WDR3: variants seen among roughly 807,000 people sequenced by gnomAD.
The protein encoded by WDR3 is WD repeat domain 3.
Under a neutral mutation model 123.7 loss-of-function variants are expected in WDR3, and 81 were observed. The observed-to-expected ratio is 0.65, with a 90% CI of 0.55 to 0.79. WDR3 has a LOEUF of 0.79. Ranked by LOEUF, WDR3 falls within the 30% of genes least tolerant of loss-of-function variation. The pLI, the probability that WDR3 is intolerant of heterozygous loss-of-function variation, is 0.00. For synonymous variants in WDR3, 390 were observed against 388.8 expected, an observed-to-expected ratio of 1.00 and a Z score of -0.04; for missense variants, 1,027 against 1,123.2, an observed-to-expected ratio of 0.91 and a Z score of 1.22.
intron 25 of WDR3, 77 bp from the exon 26 acceptor site, chr1:117,958,833 T>C: frequency 1.0e-6 from 1 of 981,806 alleles, no homozygotes; most frequent in South Asian, 1.7e-5. Context: ...TGATATTGTG[T>C]CTGTTTACTG....
chr1:117,954,502 C>G (rs1343943817), intron 22 of WDR3, 78 bp from the exon 23 acceptor site: 1 of 1,360,970 alleles, frequency 7.3e-7, no homozygotes, highest in African/African-American at 1.5e-5. Context: ...TTATAAAATA[C>G]AGTTACCACT....
At position 117,961,175 on chromosome 1, in the gene WDR3, C is replaced by T. The variant is rs1653040825; in HGVS notation, c.*1728C>T. ...GCAGGCGCTTGTAATCCCAGCTACT[C>T]AGGAGGCTGAGACAGGAGAATCACT... On this transcript the variant is annotated 3_prime_UTR_variant, in exon 27 of 27. Transcript: ENST00000349139. 6.6e-6 allele frequency: 1 copy of T among 152,158 alleles called. No individual in the cohort carries two copies. 9.4% of individuals were successfully genotyped at this position (152,158 alleles called of 1,614,324 possible).
In WDR3 at chr1:117,964,098, G is replaced by A; in HGVS notation, c.*4651G>A. 1 of 687,860 alleles carries A rather than the reference G, an allele frequency of 1.5e-6. No individual in the cohort carries two copies. Among genetic ancestry groups the A allele is most frequent in the Middle Eastern group, 4.2e-4 (1 of 2,376 alleles). 42.6% of individuals were successfully genotyped at this position (687,860 alleles called of 1,614,324 possible). A position where few individuals can be genotyped will look rare whatever the true frequency, so the allele number is the denominator to read the frequency against. ...AAATTCTGCATGCTCAGGCTTGGGG[G>A]TTAGAGGATGGATATGCCAATGTCT... On this transcript the variant is annotated 3_prime_UTR_variant, in exon 27 of 27. Coordinates refer to ENST00000349139, the MANE Select transcript of WDR3 (RefSeq NM_006784.3).
At chr1:117,934,717 T>C (rs776075893) in intron 3 of WDR3, 35 bp downstream of exon 3, 1 of 1,607,716 alleles carries the variant, frequency 6.2e-7, no homozygotes, top group Non-Finnish European at 8.5e-7. Flanking sequence ...TTTGATCTAT[T>C]AAAGGAATGT....
chr1:117,956,233 T>C (rs1333816715), intron 24 of WDR3, among the ~76,000 whole-genome samples: 5 of 152,182 alleles, frequency 3.3e-5, no homozygotes, highest in African/African-American at 7.2e-5. Context: ...TCCCAACATT[T>C]TGGGACACTT....
At chr1:117,944,911 T>C (rs1651314327) in intron 11 of WDR3, among the ~76,000 whole-genome samples, 1 of 152,054 alleles carries the variant, frequency 6.6e-6, no homozygotes, top group African/African-American at 2.4e-5. Flanking sequence ...CATGTTGGCC[T>C]CAAACTCCTG....
chr1:117,958,481 T>C (rs907487108), intron 25 of WDR3, among the ~76,000 whole-genome samples: 3 of 152,216 alleles, frequency 2.0e-5, no homozygotes, highest in African/African-American at 7.2e-5. Flanking sequence ...TCATCAAGGA[T>C]ATCTTGGTAC....
intron 2 of WDR3, 200 bp downstream of exon 2, chr1:117,933,690 A>G: frequency 1.5e-6 from 1 of 665,130 alleles, no homozygotes; most frequent in South Asian, 1.6e-5. Flanking sequence ...TGAAAACCAC[A>G]ATGAAATAGG....
intron 2 of WDR3, 62 bp downstream of exon 2, chr1:117,933,552 G>C: frequency 1.3e-6 from 2 of 1,595,350 alleles, no homozygotes; most frequent in Non-Finnish European, 1.7e-6. Context: ...AGAGGTAGTA[G>C]AAGTGGGGGG....
intron 23 of WDR3, 110 bp downstream of exon 23, chr1:117,954,737 G>A: frequency 9.1e-7 from 1 of 1,101,156 alleles, no homozygotes; most frequent in South Asian, 1.5e-5. Flanking sequence ...GGAATACTTT[G>A]TCTTCAAAAG....
rs563424765 is a variant in WDR3, at chr1:117,941,205, G to A, written c.871G>A (p.Gly291Ser). The A allele has an allele frequency of 2.5e-6, 4 of 1,614,082 alleles. No homozygotes were observed. Among genetic ancestry groups the A allele is most frequent in the South Asian group, 2.2e-5 (2 of 91,074 alleles). ...RVVNLAVDKT[G>S]RILACHGTDS... is the part of the protein sequence containing the mutation. ...TGTAAACCTTGCAGTCGACAAGACAGGCAGGATTCTTGCTTGCCATGTGAG... is the reference window on the plus strand; with the variant it reads ...TGTAAACCTTGCAGTCGACAAGACAAGCAGGATTCTTGCTTGCCATGTGAG... Residue 291 changes from glycine (G) to serine (S), a missense_variant, in exon 8 of 27, where the codon GGC becomes AGC. Transcript: ENST00000349139.
intron 20 of WDR3, 104 bp downstream of exon 20, chr1:117,953,100 G>C (rs1450284295): frequency 7.8e-7 from 1 of 1,281,940 alleles, no homozygotes; most frequent in East Asian, 2.4e-5. Context: ...ATTGAGGCTA[G>C]AAGTTGCAGG....
chr1:117,943,712 C>G (rs556215151), intron 11 of WDR3, 86 bp downstream of exon 11: 1 of 1,129,756 alleles, frequency 8.9e-7, no homozygotes, highest in East Asian at 2.5e-5. Flanking sequence ...GTTATTAACT[C>G]CTTAAGGCCC....
chr1:117,959,567 G>T lies in WDR3; in HGVS notation c.*120G>T, dbSNP rs1307578129. On this transcript the variant is annotated 3_prime_UTR_variant, in exon 27 of 27. Coordinates refer to ENST00000349139, the MANE Select transcript of WDR3 (RefSeq NM_006784.3). ...AATAACAGAAGATCGCATTGCAGAT[G>T]ATATCAGGATGTGGTTTCCAGCTTT... 4 of 1,102,810 alleles carry T rather than the reference G, an allele frequency of 3.6e-6. No homozygotes were observed. The highest frequency in any genetic ancestry group is 4.9e-6 in the Non-Finnish European group (4 of 813,424). The allele number at this position is 1,102,810 out of a possible 1,614,324, so 68.3% of individuals were successfully genotyped here.
chr1:117,957,882 T>C (rs568066711), intron 25 of WDR3, among the ~76,000 whole-genome samples: 1 of 152,334 alleles, frequency 6.6e-6, no homozygotes, highest in East Asian at 1.9e-4. Flanking sequence ...TTTCTCTTGG[T>C]CTCTACAGGT....
intron 8 of WDR3, 135 bp from the exon 9 acceptor site, chr1:117,941,615 C>T (rs1651175349): frequency 8.9e-7 from 1 of 1,121,020 alleles, no homozygotes; most frequent in Non-Finnish European, 1.2e-6. Flanking sequence ...ATAGCAAACC[C>T]AGAGAGATTA....
chr1:117,933,254 CA>C (rs1650798262), intron 1 of WDR3, 33 bp from the exon 2 acceptor site: 2 of 1,575,354 alleles, frequency 1.3e-6, no homozygotes, highest in Middle Eastern at 1.7e-4. Context: ...CCAAGGCACC[CA>C]AGGAGCTGAG....
Position 117,933,296 on chromosome 1 carries a change from A to G in WDR3, c.-24A>G, listed in dbSNP as rs202168358. On this transcript the variant is annotated 5_prime_UTR_variant, in exon 2 of 27. Coordinates refer to ENST00000349139, the MANE Select transcript of WDR3 (RefSeq NM_006784.3). ...TTTGTTTATATGCACAGATTGCTTCACCTGTGGTATCAGACATCACAACAT... is the reference window on the plus strand; with the variant it reads ...TTTGTTTATATGCACAGATTGCTTCGCCTGTGGTATCAGACATCACAACAT... 1 of 1,612,554 alleles carries G rather than the reference A, an allele frequency of 6.2e-7. No homozygotes were observed. Among genetic ancestry groups the G allele is most frequent in the East Asian group, 2.2e-5 (1 of 44,842 alleles).
intron 25 of WDR3, 125 bp downstream of exon 25, chr1:117,957,321 A>G: frequency 8.0e-7 from 1 of 1,244,502 alleles, no homozygotes; most frequent in South Asian, 1.8e-5. Flanking sequence ...TCACACCCGT[A>G]ATCCCAGCAC....
Sources: gnomAD v4.1 joint callset for allele counts (sites outside exome capture counted in the v4.1 genomes callset) on GRCh38, gnomAD v4.1.1 for gene constraint, MANE v1.5 for transcripts, NCBI Gene and HGNC (gene_info 2026-07-23, HGNC 2026-07-21) for gene names.